Variants in SLC9A9 observed in about 807,000 individuals in gnomAD.
SLC9A9 encodes the protein solute carrier family 9 member A9.
A neutral mutation model predicts 77.8 loss-of-function variants in SLC9A9; 62 were observed. The ratio of observed to expected loss-of-function variants is 0.80; its 90% confidence interval spans 0.65 to 0.98. The LOEUF (loss-of-function observed/expected upper bound fraction) is 0.98. Among genes scored for constraint, SLC9A9 ranks in the 50% least tolerant of loss-of-function variants. The pLI, the probability that SLC9A9 is intolerant of heterozygous loss-of-function variation, is 0.00. For synonymous variants in SLC9A9, 320 were observed against 283.5 expected (o/e 1.13, Z -1.29); for missense variants, 775 against 774.9 (o/e 1.00, Z 0.00).
chr3:143,661,452 G>C (rs557481998), intron 5 of SLC9A9, among the ~76,000 whole-genome samples: 3 of 152,200 alleles, frequency 2.0e-5, no homozygotes, highest in Admixed American at 2.0e-4. Context: ...CGACCCCACT[G>C]TGGCACCTGG....
intron 5 of SLC9A9, among the ~76,000 whole-genome samples, chr3:143,678,062 G>A (rs899868785): frequency 2.2e-4 from 34 of 152,156 alleles, no homozygotes; most frequent in African/African-American, 7.5e-4. Context: ...TCCTGACCTC[G>A]TGATCCACCC....
chr3:143,709,752 C>T (rs1417929725), intron 4 of SLC9A9, among the ~76,000 whole-genome samples: 1 of 152,086 alleles, frequency 6.6e-6, no homozygotes. Flanking sequence ...GCGTTGTTAC[C>T]TCCTGACTCC....
At chr3:143,760,179 C>A (rs971154121) in intron 4 of SLC9A9, among the ~76,000 whole-genome samples, 2 of 152,000 alleles carry the variant, frequency 1.3e-5, no homozygotes, top group African/African-American at 4.8e-5. Context: ...AGATATGTCC[C>A]ATCAATACCT....
At chr3:143,545,291 C>A (rs761702986) in intron 9 of SLC9A9, among the ~76,000 whole-genome samples, 4 of 152,210 alleles carry the variant, frequency 2.6e-5, no homozygotes, top group Non-Finnish European at 4.4e-5. Flanking sequence ...AACCTTGCCT[C>A]CAGTAAGCAA....
chr3:143,419,451 T>C (rs1198643263), intron 12 of SLC9A9, among the ~76,000 whole-genome samples: 2 of 152,330 alleles, frequency 1.3e-5, no homozygotes, highest in South Asian at 4.1e-4. Context: ...AACATTTGTG[T>C]TTCTTTAAAA....
intron 9 of SLC9A9, among the ~76,000 whole-genome samples, chr3:143,526,779 C>T (rs1013305698): frequency 6.6e-6 from 1 of 152,192 alleles, no homozygotes; most frequent in African/African-American, 2.4e-5. Context: ...TTAATGTAGA[C>T]AGTCTTTGAA....
chr3:143,481,564 A>G (rs182766018), intron 11 of SLC9A9, among the ~76,000 whole-genome samples: 23 of 152,294 alleles, frequency 1.5e-4, no homozygotes, highest in Admixed American at 7.8e-4. Context: ...GAGATGGGAG[A>G]AATGTATTGA....
chr3:143,317,617 C>CT (rs368793099), intron 14 of SLC9A9, among the ~76,000 whole-genome samples: 19 of 152,202 alleles, frequency 1.2e-4, no homozygotes, highest in African/African-American at 4.6e-4. Context: ...TGTTTTCTTT[C>CT]TTTTAAAGAA....
intron 6 of SLC9A9, among the ~76,000 whole-genome samples, chr3:143,616,304 T>C (rs2038106462): frequency 6.6e-6 from 1 of 152,178 alleles, no homozygotes; most frequent in African/African-American, 2.4e-5. Flanking sequence ...TTAGAAACAG[T>C]GAATTAGAAA....
At chr3:143,272,639 T>A (rs1054490499) in intron 14 of SLC9A9, among the ~76,000 whole-genome samples, 1 of 152,202 alleles carries the variant, frequency 6.6e-6, no homozygotes, top group Non-Finnish European at 1.5e-5. Context: ...TCTCCAGGGT[T>A]ACCTGAATTA....
At chr3:143,351,807 T>C (rs1048214862) in intron 14 of SLC9A9, among the ~76,000 whole-genome samples, 6 of 152,176 alleles carry the variant, frequency 3.9e-5, no homozygotes, top group Non-Finnish European at 8.8e-5. Flanking sequence ...TGTCACTGAA[T>C]TTAGTATCAT....
intron 9 of SLC9A9, among the ~76,000 whole-genome samples, chr3:143,519,573 A>G (rs562707773): frequency 2.6e-5 from 4 of 152,176 alleles, no homozygotes. Context: ...ATAAGGTGAC[A>G]TGATCTGATA....
At chr3:143,840,806 G>A (rs867549893) in intron 1 of SLC9A9, among the ~76,000 whole-genome samples, 15 of 152,050 alleles carry the variant, frequency 9.9e-5, no homozygotes, top group Middle Eastern at 3.4e-3. Context: ...GAGAGTGCAC[G>A]CTTTCAAAAG....
chr3:143,322,667 G>GC (rs1351269322), intron 14 of SLC9A9, among the ~76,000 whole-genome samples: 1 of 152,038 alleles, frequency 6.6e-6, no homozygotes, highest in African/African-American at 2.4e-5. Flanking sequence ...GTGGTTCTTG[G>GC]CATTTTTTTG....
At chr3:143,281,266 TAGC>T (rs1278822518) in intron 14 of SLC9A9, among the ~76,000 whole-genome samples, 1 of 152,162 alleles carries the variant, frequency 6.6e-6, no homozygotes, top group African/African-American at 2.4e-5. Flanking sequence ...ACCACATCCT[TAGC>T]AGCCTTTGAG....
At chr3:143,416,348 G>T (rs186856239) in intron 12 of SLC9A9, among the ~76,000 whole-genome samples, 3 of 152,236 alleles carry the variant, frequency 2.0e-5, no homozygotes, top group Middle Eastern at 3.4e-3. Flanking sequence ...AGCACTGCAC[G>T]CTACAGAGAA....
chr3:143,453,727 A>C (rs1041837327), intron 12 of SLC9A9, among the ~76,000 whole-genome samples: 21 of 152,194 alleles, frequency 1.4e-4, no homozygotes, highest in Admixed American at 1.4e-3. Flanking sequence ...TTATACATTT[A>C]ATCTCCAGAG....
intron 2 of SLC9A9, among the ~76,000 whole-genome samples, chr3:143,814,541 G>A (rs193186759): frequency 6.6e-6 from 1 of 152,154 alleles, no homozygotes; most frequent in African/African-American, 2.4e-5. Context: ...TTCATGCAGG[G>A]CTGCCAGGTT....
intron 4 of SLC9A9, among the ~76,000 whole-genome samples, chr3:143,789,690 T>G (rs2008161138): frequency 6.6e-6 from 1 of 151,992 alleles, no homozygotes. Context: ...CCAAGGGCAC[T>G]TAGGTCTCAA....
Sources: gnomAD v4.1 joint callset for allele counts (sites outside exome capture counted in the v4.1 genomes callset) on GRCh38, gnomAD v4.1.1 for gene constraint, MANE v1.5 for transcripts, NCBI Gene and HGNC (gene_info 2026-07-23, HGNC 2026-07-21) for gene names.